Variants in ANO3 observed in about 807,000 individuals in gnomAD.
The protein encoded by ANO3 is anoctamin-3.
Under a neutral mutation model 144.8 loss-of-function variants are expected in ANO3, and 99 were observed. The observed-to-expected ratio is 0.68, with a 90% CI of 0.58 to 0.81. ANO3 has a LOEUF of 0.81. Ranked by LOEUF, ANO3 falls within the 30% of genes least tolerant of loss-of-function variation. The pLI, the probability that ANO3 is intolerant of heterozygous loss-of-function variation, is 0.00. For synonymous variants in ANO3, 414 were observed against 392.6 expected, an observed-to-expected ratio of 1.05 and a Z score of -0.64; for missense variants, 905 against 1,202.2, an observed-to-expected ratio of 0.75 and a Z score of 3.66.
At chr11:26,331,964 T>A (rs1855054183), upstream of ANO3, 1 of 535,562 alleles carries the variant, frequency 1.9e-6, no homozygotes, top group Non-Finnish European at 3.2e-6. Context: ...TCCAGTAAAG[T>A]CTTCTGCTCC....
chr11:26,568,807 A>G (rs756697037), intron 14 of ANO3, among the ~76,000 whole-genome samples: 4 of 152,016 alleles, frequency 2.6e-5, no homozygotes, highest in African/African-American at 9.7e-5. Context: ...AGTTATGTGT[A>G]CCTTTTCAGA....
At chr11:26,593,203 G>A (rs1161423137) in intron 14 of ANO3, among the ~76,000 whole-genome samples, 1 of 152,112 alleles carries the variant, frequency 6.6e-6, no homozygotes, top group African/African-American at 2.4e-5. Context: ...GTGGGCATAG[G>A]GGACTAGGTA....
intron 14 of ANO3, chr11:26,561,128 AC>A (rs773732668): frequency 1.2e-6 from 2 of 1,612,908 alleles, no homozygotes; most frequent in Non-Finnish European, 1.7e-6. Context: ...CATTTTCTTC[AC>A]TTTCTGGCAT....
intron 1 of ANO3, among the ~76,000 whole-genome samples, chr11:26,200,583 T>C (rs1353266524): frequency 2.0e-5 from 3 of 152,188 alleles, no homozygotes; most frequent in Non-Finnish European, 4.4e-5. Flanking sequence ...ATGTGTACTA[T>C]TTTAACTGAT....
At position 26,545,722 on chromosome 11, in the gene ANO3, A is replaced by G. The variant is rs1456793792; in HGVS notation, c.1155-1694A>G. Reference sequence around the variant, plus strand: ...CACAAGGCACAAATATTAAAAAAAAAAAAAACAGATAAAAACAGAGCTGTG... The same window carrying G: ...CACAAGGCACAAATATTAAAAAAAAGAAAAACAGATAAAAACAGAGCTGTG... On this transcript the variant is annotated intron_variant, in intron 11 of 26. Coordinates refer to ENST00000256737, the MANE Select transcript of ANO3 (RefSeq NM_031418.4). Among the ~76,000 whole-genome samples, 3 of 151,968 alleles carry G rather than the reference A, an allele frequency of 2.0e-5. No individual in the cohort carries two copies. In the East Asian group the frequency reaches 5.8e-4, roughly 30 times the overall value.
At chr11:26,548,838 C>A (rs1441027878) in intron 12 of ANO3, among the ~76,000 whole-genome samples, 1 of 151,766 alleles carries the variant, frequency 6.6e-6, no homozygotes, top group Non-Finnish European at 1.5e-5. Context: ...CCTGAACAAA[C>A]TTCGGCCCAC....
intron 1 of ANO3, among the ~76,000 whole-genome samples, chr11:26,198,198 A>G (rs1851626653): frequency 6.6e-6 from 1 of 152,180 alleles, no homozygotes; most frequent in African/African-American, 2.4e-5. Context: ...TGAGTCACAC[A>G]ATGAATTAAT....
chr11:26,398,710 C>T (rs763815949), intron 1 of ANO3, among the ~76,000 whole-genome samples: 1 of 152,006 alleles, frequency 6.6e-6, no homozygotes, highest in South Asian at 2.1e-4. Flanking sequence ...CTAGCAGAGA[C>T]AGAACTTCCT....
At chr11:26,563,956 TTTCTC>T (rs1850408065) in intron 14 of ANO3, among the ~76,000 whole-genome samples, 1 of 151,894 alleles carries the variant, frequency 6.6e-6, no homozygotes, top group African/African-American at 2.4e-5. Context: ...ATTTAGTACA[TTTCTC>T]TTTTTTTCTT....
chr11:26,659,014 C>G (rs550338196), intron 26 of ANO3, among the ~76,000 whole-genome samples: 1 of 151,834 alleles, frequency 6.6e-6, no homozygotes, highest in African/African-American at 2.4e-5. Flanking sequence ...AAACAGGATG[C>G]ATTTATAATA....
chr11:26,540,114 C>T (rs1849607312), intron 10 of ANO3, among the ~76,000 whole-genome samples: 1 of 151,928 alleles, frequency 6.6e-6, no homozygotes, highest in Admixed American at 6.6e-5. Context: ...TCTGCACTTC[C>T]AAAATGGCAA....
intron 13 of ANO3, among the ~76,000 whole-genome samples, chr11:26,557,322 G>T (rs1028287226): frequency 1.3e-5 from 2 of 151,722 alleles, no homozygotes; most frequent in Admixed American, 6.6e-5. Flanking sequence ...TTAGCCGGGC[G>T]TGGTGGCGGG....
chr11:26,641,071 A>C (rs577211015), intron 21 of ANO3, among the ~76,000 whole-genome samples: 89 of 152,258 alleles, frequency 5.8e-4, no homozygotes, highest in Admixed American at 8.5e-4. Context: ...GGTAATTTTC[A>C]CTGACCTCTT....
At chr11:26,225,331 G>A (rs972170) in intron 1 of ANO3, among the ~76,000 whole-genome samples, 45,973 of 151,860 alleles carry the variant, frequency 0.3, 7,697 homozygotes, top group Non-Finnish European at 0.37. Flanking sequence ...AAGTATAAAA[G>A]GGAACATTTA....
At chr11:26,290,673 T>C (rs1001288920) in intron 1 of ANO3, among the ~76,000 whole-genome samples, 5 of 152,174 alleles carry the variant, frequency 3.3e-5, no homozygotes, top group Non-Finnish European at 7.3e-5. Flanking sequence ...ATTTACCCAG[T>C]AGTCATTCAG....
chr11:26,661,346 T>C lies in ANO3; in HGVS notation c.*902T>C, dbSNP rs138404651. ...CTCACGGAATATTAACTTGAAATGC[T>C]GTAAATACGTTGGTTTTCCTTGTCC... On this transcript the variant is annotated 3_prime_UTR_variant, in exon 27 of 27. Coordinates refer to ENST00000256737, the MANE Select transcript of ANO3 (RefSeq NM_031418.4). The C allele has an allele frequency of 1.5e-4, 23 of 152,704 alleles. No homozygotes were observed. Among genetic ancestry groups the C allele is most frequent in the Non-Finnish European group, 2.6e-4 (18 of 68,000 alleles). 9.5% of individuals were successfully genotyped at this position (152,704 alleles called of 1,614,324 possible). A position where few individuals can be genotyped will look rare whatever the true frequency, so the allele number is the denominator to read the frequency against.
At chr11:26,312,179 CT>C (rs1201789277) in intron 1 of ANO3, among the ~76,000 whole-genome samples, 2 of 152,186 alleles carry the variant, frequency 1.3e-5, no homozygotes, top group African/African-American at 2.4e-5. Context: ...TGAACTCATC[CT>C]TTTTTATGGC....
chr11:26,343,405 C>T (rs1344815994), intron 1 of ANO3, among the ~76,000 whole-genome samples: 8 of 152,114 alleles, frequency 5.3e-5, no homozygotes, highest in Admixed American at 1.3e-4. Flanking sequence ...TTTGAATGTA[C>T]GTGCAGAAAT....
chr11:26,552,733 T>C (rs401988), intron 12 of ANO3, among the ~76,000 whole-genome samples: 100,174 of 141,292 alleles, frequency 0.71, 33,316 homozygotes, highest in East Asian at 0.85. Context: ...TATGTCAAGG[T>C]GCTGCAAAAA....
Sources: gnomAD v4.1 joint callset for allele counts (sites outside exome capture counted in the v4.1 genomes callset) on GRCh38, gnomAD v4.1.1 for gene constraint, MANE v1.5 for transcripts, NCBI Gene and HGNC (gene_info 2026-07-23, HGNC 2026-07-21) for gene names.